Variants in KCTD8 observed in about 807,000 individuals in gnomAD.
KCTD8 encodes the protein potassium channel tetramerization domain containing 8.
A neutral mutation model predicts 31.5 loss-of-function variants in KCTD8; 27 were observed. The observed-to-expected ratio is 0.86, with a 90% confidence interval of 0.63 to 1.18. The LOEUF is 1.18. Among genes scored for constraint, KCTD8 ranks in the 50% most tolerant of loss-of-function variants. KCTD8 has a pLI of 0.00. For synonymous variants in KCTD8, 290 were observed against 280.0 expected, an observed-to-expected ratio of 1.04 and a Z score of -0.36; for missense variants, 658 against 647.7, an observed-to-expected ratio of 1.02 and a Z score of -0.17.
At position 44,419,707 on chromosome 4, in the gene KCTD8, G is replaced by A. The variant is rs1159195496; in HGVS notation, c.961+27856C>T. ...CACATACCGGGGCCTGTCGGGGGAT[G>A]GGGGGCTGGGGAAGGGATAGCATTA... On this transcript the variant is annotated intron_variant, in intron 1 of 1. Transcript: ENST00000360029. Among the ~76,000 whole-genome samples, 3 of 151,796 alleles carry A rather than the reference G, an allele frequency of 2.0e-5. No individual in the cohort carries two copies. The East Asian group carries it at 5.8e-4, about 29-fold the overall frequency.
At chr4:44,381,042 C>T (rs1278181224) in intron 1 of KCTD8, among the ~76,000 whole-genome samples, 4 of 151,966 alleles carry the variant, frequency 2.6e-5, no homozygotes, top group African/African-American at 9.7e-5. Flanking sequence ...CTAATTAATA[C>T]ACTCACTTTT....
At chr4:44,320,745 A>C (rs1718272332) in intron 1 of KCTD8, among the ~76,000 whole-genome samples, 1 of 152,042 alleles carries the variant, frequency 6.6e-6, no homozygotes, top group South Asian at 2.1e-4. Flanking sequence ...TGAACATATA[A>C]TAAATCCCTG....
chr4:44,335,189 C>G (rs981573005), intron 1 of KCTD8, among the ~76,000 whole-genome samples: 1 of 151,864 alleles, frequency 6.6e-6, no homozygotes, highest in African/African-American at 2.4e-5. Flanking sequence ...CAAAGTTGAT[C>G]ATCTCAATGT....
At chr4:44,379,641 C>T (rs1050291129) in intron 1 of KCTD8, among the ~76,000 whole-genome samples, 8 of 152,120 alleles carry the variant, frequency 5.3e-5, no homozygotes, top group Non-Finnish European at 1.0e-4. Context: ...ATGTTACTTA[C>T]AGTTTACTGT....
intron 1 of KCTD8, among the ~76,000 whole-genome samples, chr4:44,237,187 C>T (rs570675917): frequency 2.0e-5 from 3 of 152,218 alleles, no homozygotes; most frequent in South Asian, 2.1e-4. Context: ...AAGGAATTTC[C>T]CACTGCACTC....
At chr4:44,437,232 G>C (rs1286198798) in intron 1 of KCTD8, among the ~76,000 whole-genome samples, 1 of 152,018 alleles carries the variant, frequency 6.6e-6, no homozygotes, top group Non-Finnish European at 1.5e-5. Context: ...AGTGGCCAAG[G>C]AGCACTCACA....
intron 1 of KCTD8, among the ~76,000 whole-genome samples, chr4:44,418,560 C>G (rs1721133620): frequency 6.6e-6 from 1 of 152,016 alleles, no homozygotes; most frequent in Non-Finnish European, 1.5e-5. Context: ...TTTAGAAGCT[C>G]ATATAAAGGA....
At chr4:44,225,818 T>C (rs1714943480) in intron 1 of KCTD8, among the ~76,000 whole-genome samples, 2 of 138,394 alleles carry the variant, frequency 1.4e-5, no homozygotes, top group Admixed American at 1.4e-4. Context: ...TTTGTCTCTT[T>C]TTTTTTTTTT....
rs1270339579 is a variant in KCTD8 at position 44,207,061 on chromosome 4, C to T, written c.962-31811G>A. Among the ~76,000 whole-genome samples, 6 of 152,154 alleles carry T rather than the reference C, an allele frequency of 3.9e-5. No homozygotes were observed. The East Asian group carries it at 5.8e-4, about 15-fold the overall frequency. On this transcript the variant is annotated intron_variant, in intron 1 of 1. Coordinates refer to ENST00000360029, the MANE Select transcript of KCTD8 (RefSeq NM_198353.3). Reference sequence around the variant, plus strand: ...CAACCTAATACTTGGAGATGTCAAACGTCTTTGTTCTAACACTTGTGCTGT... The same window carrying T: ...CAACCTAATACTTGGAGATGTCAAATGTCTTTGTTCTAACACTTGTGCTGT...
intron 1 of KCTD8, among the ~76,000 whole-genome samples, chr4:44,319,639 T>C (rs990785185): frequency 1.3e-5 from 2 of 152,102 alleles, no homozygotes; most frequent in Admixed American, 1.3e-4. Flanking sequence ...GTTGAAGAAT[T>C]ATTATGAACT....
At chr4:44,434,344 C>T (rs779657645) in intron 1 of KCTD8, among the ~76,000 whole-genome samples, 19 of 151,756 alleles carry the variant, frequency 1.3e-4, no homozygotes, top group Admixed American at 2.6e-4. Flanking sequence ...GCTTTCTATG[C>T]GTCATATCAT....
chr4:44,298,016 T>A (rs1048530627), intron 1 of KCTD8, among the ~76,000 whole-genome samples: 3 of 152,148 alleles, frequency 2.0e-5, no homozygotes, highest in African/African-American at 7.2e-5. Flanking sequence ...CTCATTTGAG[T>A]CAAGAATTAC....
intron 1 of KCTD8, among the ~76,000 whole-genome samples, chr4:44,244,410 G>T (rs1715592672): frequency 1.3e-5 from 2 of 152,142 alleles, no homozygotes. Flanking sequence ...GAAGGTCTCA[G>T]AGGAGACCTC....
At chr4:44,216,475 T>C (rs1714655266) in intron 1 of KCTD8, among the ~76,000 whole-genome samples, 1 of 152,130 alleles carries the variant, frequency 6.6e-6, no homozygotes, top group African/African-American at 2.4e-5. Context: ...CCTGATAAGA[T>C]AGAAGGCACT....
At chr4:44,284,326 A>G (rs1273567376) in intron 1 of KCTD8, among the ~76,000 whole-genome samples, 2 of 150,832 alleles carry the variant, frequency 1.3e-5, no homozygotes, top group Non-Finnish European at 3.0e-5. Flanking sequence ...ATAACACCAC[A>G]TACCATCTGA....
At chr4:44,230,554 T>A (rs1270701665) in intron 1 of KCTD8, among the ~76,000 whole-genome samples, 1 of 152,202 alleles carries the variant, frequency 6.6e-6, no homozygotes, top group Non-Finnish European at 1.5e-5. Context: ...ATGTGACAAG[T>A]AGTATTATTT....
At chr4:44,411,723 T>C (rs1484495356) in intron 1 of KCTD8, among the ~76,000 whole-genome samples, 1 of 151,866 alleles carries the variant, frequency 6.6e-6, no homozygotes, top group Non-Finnish European at 1.5e-5. Flanking sequence ...GATCTCCTTA[T>C]AAAACAAGCA....
At chr4:44,360,161 AATAT>A (rs1242080080) in intron 1 of KCTD8, among the ~76,000 whole-genome samples, 1 of 152,022 alleles carries the variant, frequency 6.6e-6, no homozygotes, top group Non-Finnish European at 1.5e-5. Context: ...CATAAAGAGG[AATAT>A]ATGAAAAATA....
At chr4:44,286,304 A>G (rs777452907) in intron 1 of KCTD8, among the ~76,000 whole-genome samples, 3 of 152,166 alleles carry the variant, frequency 2.0e-5, no homozygotes, top group Non-Finnish European at 4.4e-5. Flanking sequence ...CTCTGAAAAT[A>G]CATTCCTAAT....
Sources: allele counts gnomAD v4.1 joint callset (sites outside exome capture counted in the v4.1 genomes callset), GRCh38; gene constraint gnomAD v4.1.1; transcripts MANE v1.5; gene names NCBI Gene and HGNC (gene_info 2026-07-23, HGNC 2026-07-21).